The following KMT2A variants were observed in gnomAD, a reference collection of about 807,000 sequenced individuals.
KMT2A encodes the protein histone-lysine N-methyltransferase 2A.
Under a neutral mutation model 345.3 loss-of-function variants are expected in KMT2A, and 16 were observed. The observed-to-expected ratio is 0.05, with a 90% CI of 0.03 to 0.07. KMT2A has a LOEUF of 0.07. Among genes scored for constraint, KMT2A ranks in the 10% least tolerant of loss-of-function variants. KMT2A has a pLI of 1.00. For synonymous variants in KMT2A, 1,599 were observed against 1,778.6 expected (o/e 0.90, Z 2.54); for missense variants, 3,272 against 4,841.6 (o/e 0.68, Z 9.62).
chr11:118,482,879 G>C (rs1950161101), intron 8 of KMT2A, among the ~76,000 whole-genome samples: 1 of 152,136 alleles, frequency 6.6e-6, no homozygotes, highest in Non-Finnish European at 1.5e-5. Context: ...GCTGTAGTGA[G>C]CTATGATTGT....
chr11:118,488,129 G>A (rs1417171811), intron 10 of KMT2A, among the ~76,000 whole-genome samples: 2 of 152,088 alleles, frequency 1.3e-5, no homozygotes, highest in African/African-American at 4.8e-5. Flanking sequence ...GCAGTGAGTC[G>A]AGATCGCACC....
intron 1 of KMT2A, among the ~76,000 whole-genome samples, chr11:118,456,400 G>A (rs1190283288): frequency 2.0e-5 from 3 of 151,622 alleles, no homozygotes; most frequent in South Asian, 2.1e-4. Flanking sequence ...GTGCAATGGC[G>A]TGACCTTGGT....
At chr11:118,513,937 C>CAAAAA (rs1178939991) in intron 31 of KMT2A, among the ~76,000 whole-genome samples, 4 of 47,330 alleles carry the variant, frequency 8.5e-5, no homozygotes, top group Non-Finnish European at 1.7e-4. Flanking sequence ...GACCCTGTCT[C>CAAAAA]AAAAAAAAAA....
At chr11:118,475,734 A>G (rs994181138) in intron 3 of KMT2A, among the ~76,000 whole-genome samples, 23 of 152,188 alleles carry the variant, frequency 1.5e-4, no homozygotes, top group Admixed American at 2.0e-4. Context: ...AAAAAAATAA[A>G]TAAATAAAAT....
Position 118,472,990 on chromosome 11 carries a change from A to G in KMT2A, c.1831A>G (p.Ile611Val). The change falls in exon 3 of 36, where the codon ATT (isoleucine) becomes GTT (valine). Residue 611 changes from isoleucine to valine, a missense_variant. Coordinates refer to ENST00000534358, the MANE Select transcript of KMT2A (RefSeq NM_001197104.2). ...TCCTATGCAAGGGAAGCGAAAATCT[A>G]TTTTGCGAGAACCGACATTTAGGTG... The part of the protein sequence containing the change: ...TAPMQGKRKS[I>V]LREPTFRWTS... 1 of 1,614,066 alleles carries G rather than the reference A, an allele frequency of 6.2e-7. No individual in the cohort carries two copies. Among genetic ancestry groups the G allele is most frequent in the Non-Finnish European group, 8.5e-7 (1 of 1,180,026 alleles).
At chr11:118,514,231 T>A (rs1950756189) in intron 31 of KMT2A, among the ~76,000 whole-genome samples, 1 of 152,188 alleles carries the variant, frequency 6.6e-6, no homozygotes, top group Non-Finnish European at 1.5e-5. Flanking sequence ...GTAAAATGCC[T>A]GGTACCATGT....
rs782226053 is a variant in KMT2A, at chr11:118,474,094, A to T, written c.2935A>T (p.Thr979Ser). 1 of 1,614,176 alleles carries T rather than the reference A, an allele frequency of 6.2e-7. No homozygotes were observed. The highest frequency in any genetic ancestry group is 8.5e-7 in the Non-Finnish European group (1 of 1,180,032). The change falls in exon 3 of 36, where the codon ACT becomes TCT. Residue 979 changes from threonine to serine, a missense_variant. By Grantham distance (58) the Thr-to-Ser change is moderately conservative. This residue lies in a region of KMT2A where 39 missense variants were observed against 88.9 expected (regional missense o/e 0.44). Transcript: ENST00000534358. ...AAAAACCAACTTGGACCTCGGCCCA[A>T]CTGCCCCATCCCTGGAGAAGGAGAA... ...LEKTNLDLGP[T>S]APSLEKEKTL...
chr11:118,526,696 T>A lies in KMT2A; in HGVS notation c.*4524T>A, dbSNP rs187140142. 72 of 231,514 alleles carry A rather than the reference T, an allele frequency of 3.1e-4. No individual in the cohort carries two copies. Among genetic ancestry groups the A allele is most frequent in the African/African-American group, 1.5e-3 (69 of 45,384 alleles). The allele number at this position is 231,514 out of a possible 1,614,324, so 14.3% of individuals were successfully genotyped here. ...AAAAATAATAATGCTGAAAGCTCTCTACGAAAGACTGAATGTAAAAGTAAA... is the reference window on the plus strand; with the variant it reads ...AAAAATAATAATGCTGAAAGCTCTCAACGAAAGACTGAATGTAAAAGTAAA... On this transcript the variant is annotated 3_prime_UTR_variant, in exon 36 of 36. Transcript: ENST00000534358.
intron 1 of KMT2A, among the ~76,000 whole-genome samples, chr11:118,451,692 C>T (rs73615908): frequency 0.021 from 3,118 of 150,088 alleles, 129 homozygotes; most frequent in African/African-American, 0.071. Flanking sequence ...GGGGTCTCAC[C>T]ATCTTATGTA....
rs1281321190 is a variant in KMT2A, at chr11:118,520,196, T to C, written c.11429+132T>C. ...TTAAAAGGACTGAAAACCATTTGTG[T>C]TGAAGTAGCAGTAGGTGCCTGGTAA... On this transcript the variant is annotated intron_variant, in intron 33 of 35. Coordinates refer to ENST00000534358, the MANE Select transcript of KMT2A (RefSeq NM_001197104.2). The surrounding 1 kb of genome is among the most constrained non-coding windows in gnomAD (Gnocchi z 4.3). The C allele has an allele frequency of 1.5e-6, 1 of 648,242 alleles. No homozygotes were observed. Among genetic ancestry groups the C allele is most frequent in the Non-Finnish European group, 2.7e-6 (1 of 371,574 alleles). 40.2% of individuals were successfully genotyped at this position (648,242 alleles called of 1,614,324 possible).
intron 7 of KMT2A, among the ~76,000 whole-genome samples, 163 bp from the exon 8 acceptor site, chr11:118,482,258 CA>C (rs536475692): frequency 4.0e-5 from 6 of 148,376 alleles, no homozygotes; most frequent in South Asian, 2.1e-4. Flanking sequence ...GAAACAGAAA[CA>C]AAAAAAACAG....
chr11:118,509,334 C>A, intron 29 of KMT2A, 134 bp downstream of exon 29: 1 of 703,276 alleles, frequency 1.4e-6, no homozygotes, highest in Non-Finnish European at 2.3e-6. Context: ...AGTGATTTGG[C>A]CCACATTGGA....
At position 118,511,854 on chromosome 11, in the gene KMT2A, T is replaced by C. The variant is rs9332854; in HGVS notation, c.11072-97T>C. ...GCTCTAGGAGGGCAAGTGTTCACAC[T>C]GTAGGGATTCTAAGCAGTGCTTGTG... On this transcript the variant is annotated intron_variant, in intron 30 of 35. Coordinates refer to ENST00000534358, the MANE Select transcript of KMT2A (RefSeq NM_001197104.2). The C allele has an allele frequency of 7.5e-6, 7 of 930,346 alleles. No homozygotes were observed. In the East Asian group the frequency reaches 1.5e-4, roughly 20 times the overall value. The allele number at this position is 930,346 out of a possible 1,614,324, so 57.6% of individuals were successfully genotyped here.
intron 1 of KMT2A, among the ~76,000 whole-genome samples, chr11:118,460,736 A>T (rs1949730030): frequency 6.6e-6 from 1 of 152,190 alleles, no homozygotes; most frequent in South Asian, 2.1e-4. Flanking sequence ...GTGCAATAAT[A>T]GGGGACCACA....
In KMT2A at chr11:118,504,706, C is replaced by T; in HGVS notation, c.8814C>T (p.Thr2938=). 6.2e-7 allele frequency: 1 copy of T among 1,614,106 alleles called. No homozygotes were observed. Among genetic ancestry groups the T allele is most frequent in the East Asian group, 2.2e-5 (1 of 44,878 alleles). Residue 2938 remains threonine (T), a synonymous_variant, in exon 27 of 36, where the codon ACC becomes ACT. Coordinates refer to ENST00000534358, the MANE Select transcript of KMT2A (RefSeq NM_001197104.2). The surrounding 1 kb of genome is among the most constrained non-coding windows in gnomAD (Gnocchi z 6.4). Reference sequence around the variant, plus strand: ...TACCATCTGATCTGTCTGTCTTGACCACCCGGAGTCCCACTGTCCCCAGCC... The same window carrying T: ...TACCATCTGATCTGTCTGTCTTGACTACCCGGAGTCCCACTGTCCCCAGCC... ...LELPSDLSVL[T]TRSPTVPSQN...
At chr11:118,516,131 G>C (rs1339135345) in intron 31 of KMT2A, among the ~76,000 whole-genome samples, 1 of 152,118 alleles carries the variant, frequency 6.6e-6, no homozygotes, top group Non-Finnish European at 1.5e-5. Context: ...TCCATTTCCA[G>C]TGCTGCCACC....
rs576550650 is a variant in KMT2A, at chr11:118,485,717, A to G, written c.4332+742A>G. On this transcript the variant is annotated intron_variant, in intron 10 of 35. Transcript: ENST00000534358. The stretch of plus-strand genomic sequence containing the variant: ...TAGATATAAAGAAGTGTTCATTTCA[A>G]TATTGCTCATAATAATAAAAAACTG... Among the ~76,000 whole-genome samples the G allele has an allele frequency of 7.4e-4, 112 of 152,328 alleles. 1 individual carries two copies. The highest frequency in any genetic ancestry group is 2.4e-3 in the African/African-American group (98 of 41,576).
intron 6 of KMT2A, among the ~76,000 whole-genome samples, chr11:118,481,501 T>C (rs949595722): frequency 6.6e-6 from 1 of 152,202 alleles, no homozygotes; most frequent in Non-Finnish European, 1.5e-5. Flanking sequence ...CATTCATCTG[T>C]TGATGGATGC....
At position 118,493,340 on chromosome 11, in the gene KMT2A, T is replaced by C; in HGVS notation, c.5178+110T>C. 1.2e-6 allele frequency: 1 copy of C among 825,540 alleles called. No individual in the cohort carries two copies. The highest frequency in any genetic ancestry group is 1.8e-6 in the Non-Finnish European group (1 of 550,080). The allele number at this position is 825,540 out of a possible 1,614,324, so 51.1% of individuals were successfully genotyped here. A position where few individuals can be genotyped will look rare whatever the true frequency, so the allele number is the denominator to read the frequency against. On this transcript the variant is annotated intron_variant, in intron 16 of 35. Transcript: ENST00000534358. This position sits in a 1 kb window ranked among gnomAD's most constrained non-coding sequence, Gnocchi z 5.8. Reference sequence around the variant, plus strand: ...AATTTAAAAATGAATTGTATTATATTTAGAAATGTCACGTGGCTTTAGATA... The same window carrying C: ...AATTTAAAAATGAATTGTATTATATCTAGAAATGTCACGTGGCTTTAGATA...
Sources: gnomAD v4.1 joint callset for allele counts (sites outside exome capture counted in the v4.1 genomes callset) on GRCh38, gnomAD v4.1.1 for gene constraint, gnomAD v4.1.1 regional missense constraint, Gnocchi (gnomAD v3.1) non-coding constraint, MANE v1.5 for transcripts, NCBI Gene and HGNC (gene_info 2026-07-23, HGNC 2026-07-21) for gene names.